The following CDH24 variants were observed in gnomAD, a reference collection of about 807,000 sequenced individuals.
CDH24 encodes cadherin-24.
Under a neutral mutation model 71.2 loss-of-function variants are expected in CDH24, and 61 were observed. The ratio of observed to expected loss-of-function variants is 0.86; its 90% CI spans 0.70 to 1.06. The LOEUF (loss-of-function observed/expected upper bound fraction) is 1.06. Among genes scored for constraint, CDH24 ranks in the 50% least tolerant of loss-of-function variants. The pLI, the probability that CDH24 is intolerant of heterozygous loss-of-function variation, is 0.00. For missense variants in CDH24, 961 were observed against 1,083.7 expected (o/e 0.89, Z 1.59); for synonymous variants, 440 against 470.2 (o/e 0.94, Z 0.83).
Position 23,055,591 on chromosome 14 carries a change from C to T in CDH24, c.143G>A (p.Trp48Ter). The change falls in exon 2 of 13, where the codon TGG becomes TAG. Residue 48 changes from tryptophan (W) to a stop codon, truncating the protein, a stop_gained. Coordinates refer to ENST00000487137, the MANE Select transcript of CDH24 (RefSeq NM_144985.4). LOFTEE classifies it high-confidence loss of function. The surrounding 1 kb of genome is among the most constrained non-coding windows in gnomAD (Gnocchi z 4.1). ...TTCCTCAATGACAAAGAACTGGTTCCAGACCCAGCTCCTTCGAGTCCGCAG... is the reference window on the plus strand; with the variant it reads ...TTCCTCAATGACAAAGAACTGGTTCTAGACCCAGCTCCTTCGAGTCCGCAG... ...ALLRTRRSWV[W>*]NQFFVIEEYA... 1 of 1,614,008 alleles carries T rather than the reference C, an allele frequency of 6.2e-7. No homozygotes were observed. The highest frequency in any genetic ancestry group is 1.7e-5 in the Admixed American group (1 of 60,032).
rs759993182 is a variant in CDH24 at position 23,055,403 on chromosome 14, G to A, written c.202-50C>T. 2 of 1,592,184 alleles carry A rather than the reference G, an allele frequency of 1.3e-6. No homozygotes were observed. The highest frequency in any genetic ancestry group is 1.7e-6 in the Non-Finnish European group (2 of 1,165,446). ...AGAGGGCTCCAAGTACAGAGACAGG[G>A]TTAAAGAGTCTAGGTTTGGGTAGAG... On this transcript the variant is annotated intron_variant, in intron 2 of 12. Coordinates refer to ENST00000487137, the MANE Select transcript of CDH24 (RefSeq NM_144985.4). The surrounding 1 kb of genome is among the most constrained non-coding windows in gnomAD (Gnocchi z 4.1).
chr14:23,055,574 T>C lies in CDH24; in HGVS notation c.160A>G (p.Ile54Val), dbSNP rs2047122424. The C allele has an allele frequency of 1.2e-6, 2 of 1,613,928 alleles. No individual in the cohort carries two copies. The highest frequency in any genetic ancestry group is 1.7e-6 in the Non-Finnish European group (2 of 1,179,996). ...RSWVWNQFFV[I>V]EEYAGPEPVL... ...GGCTCTGGACCAGCATATTCCTCAATGACAAAGAACTGGTTCCAGACCCAG... is the reference window on the plus strand; with the variant it reads ...GGCTCTGGACCAGCATATTCCTCAACGACAAAGAACTGGTTCCAGACCCAG... Residue 54 changes from isoleucine (I) to valine (V), a missense_variant, in exon 2 of 13, where the codon ATT (isoleucine) becomes GTT (valine). Ile to Val is a conservative substitution (Grantham distance 29). Transcript: ENST00000487137. The surrounding 1 kb of genome is among the most constrained non-coding windows in gnomAD (Gnocchi z 4.1).
At chr14:23,048,592 G>T in intron 11 of CDH24, 113 bp from the exon 12 acceptor site, 2 of 1,035,676 alleles carry the variant, frequency 1.9e-6, no homozygotes, top group Non-Finnish European at 2.8e-6. Context: ...CTTAGGGGCT[G>T]ACATCTAGCA....
In CDH24 at chr14:23,049,593, G is replaced by A. The variant is rs774048775; in HGVS notation, c.1597+34C>T. On this transcript the variant is annotated intron_variant, in intron 10 of 12. Transcript: ENST00000487137. ...GGAGGAGGAGGAGAAGGGGACAGAG[G>A]CAGGTATGGACATGGCTGTAGGAGG... The A allele has an allele frequency of 2.8e-5, 35 of 1,238,588 alleles. No individual in the cohort carries two copies. The African/African-American group carries it at 4.8e-4, about 17-fold the overall frequency. The allele number at this position is 1,238,588 out of a possible 1,614,324, so 76.7% of individuals were successfully genotyped here. A position where few individuals can be genotyped will look rare whatever the true frequency, so the allele number is the denominator to read the frequency against.
In CDH24 at chr14:23,055,178, G is replaced by A; in HGVS notation, c.377C>T (p.Ser126Phe). ...VLLAQAVDRA[S>F]NRPLEPPSEF... is the part of the protein sequence containing the mutation. ...TGATGGGGGCTCCAGGGGCCGGTTG[G>A]AGGCTCGGTCCACGGCTTGGGCCAG... The change falls in exon 3 of 13, where the codon TCC (serine) becomes TTC (phenylalanine). Residue 126 changes from serine to phenylalanine, a missense_variant. By Grantham distance (155) the Ser-to-Phe change is radical (BLOSUM62 -2). Coordinates refer to ENST00000487137, the MANE Select transcript of CDH24 (RefSeq NM_144985.4). The surrounding 1 kb of genome is among the most constrained non-coding windows in gnomAD (Gnocchi z 4.1). 3 of 1,614,196 alleles carry A rather than the reference G, an allele frequency of 1.9e-6. No individual in the cohort carries two copies. The highest frequency in any genetic ancestry group is 2.5e-6 in the Non-Finnish European group (3 of 1,180,024).
rs770233409 is a variant in CDH24, at chr14:23,053,050, C to T, written c.1227-441G>A. ...ACAGAGCTGTGACAGGGATGCTGGC[C>T]GGGGAGGGGGAAAGAGTGGCTGTTC... On this transcript the variant is annotated intron_variant, in intron 7 of 12. Coordinates refer to ENST00000487137, the MANE Select transcript of CDH24 (RefSeq NM_144985.4). Among the ~76,000 whole-genome samples the T allele has an allele frequency of 2.6e-5, 4 of 151,970 alleles. 1 individual carries two copies. Among genetic ancestry groups the T allele is most frequent in the African/African-American group, 7.3e-5 (3 of 41,336 alleles).
rs760379993 is a variant in CDH24 at position 23,054,109 on chromosome 14, T to TAA, written c.972+30_972+31dup. 7.1e-6 allele frequency: 11 copies of TAA among 1,559,214 alleles called. No homozygotes were observed. The highest frequency in any genetic ancestry group is 1.7e-4 in the Middle Eastern group (1 of 5,828). On this transcript the variant is annotated intron_variant, in intron 6 of 12. Coordinates refer to ENST00000487137, the MANE Select transcript of CDH24 (RefSeq NM_144985.4). This position sits in a 1 kb window ranked among gnomAD's most constrained non-coding sequence, Gnocchi z 5.2. ...CCTGTGGGTCGGCAGGAGGCAGGTC[T>TAA]AAGAGAAAGCATTAACAGGCAGGAG...
At chr14:23,056,359 C>A (rs1369712653) in intron 1 of CDH24, among the ~76,000 whole-genome samples, 1 of 152,236 alleles carries the variant, frequency 6.6e-6, no homozygotes, top group Non-Finnish European at 1.5e-5. Flanking sequence ...CTGTCTCCAG[C>A]CCACGCTGCC....
At position 23,054,108 on chromosome 14, in the gene CDH24, C is replaced by T. The variant is rs2139948619; in HGVS notation, c.972+33G>A. On this transcript the variant is annotated intron_variant, in intron 6 of 12. Coordinates refer to ENST00000487137, the MANE Select transcript of CDH24 (RefSeq NM_144985.4). The surrounding 1 kb of genome is among the most constrained non-coding windows in gnomAD (Gnocchi z 5.2). Reference sequence around the variant, plus strand: ...CCCTGTGGGTCGGCAGGAGGCAGGTCTAAGAGAAAGCATTAACAGGCAGGA... The same window carrying T: ...CCCTGTGGGTCGGCAGGAGGCAGGTTTAAGAGAAAGCATTAACAGGCAGGA... 4 of 1,557,574 alleles carry T rather than the reference C, an allele frequency of 2.6e-6. No homozygotes were observed. The East Asian group carries it at 6.8e-5, about 27-fold the overall frequency.
intron 6 of CDH24, 149 bp from the exon 7 acceptor site, chr14:23,053,898 G>T: frequency 1.1e-6 from 1 of 903,178 alleles, no homozygotes. Context: ...CAGTGGCCTT[G>T]GTGGTCAGGA....
Position 23,054,918 on chromosome 14 carries a change from GAAC to G in CDH24, c.497-55_497-53del, listed in dbSNP as rs755038594. On this transcript the variant is annotated intron_variant, in intron 3 of 12. Coordinates refer to ENST00000487137, the MANE Select transcript of CDH24 (RefSeq NM_144985.4). This position sits in a 1 kb window ranked among gnomAD's most constrained non-coding sequence, Gnocchi z 5.2. ...AGCAGCAGCAGGGAAGGATGGGGAAGAACAACCGATGGGGGGGGATGCAGATAC... is the reference window on the plus strand; with the variant it reads ...AGCAGCAGCAGGGAAGGATGGGGAAGAACCGATGGGGGGGGATGCAGATAC... The G allele has an allele frequency of 5.7e-6, 9 of 1,583,142 alleles. No homozygotes were observed. The Admixed American group carries it at 1.2e-4, about 21-fold the overall frequency.
At chr14:23,056,810 C>A (rs1193751704) in intron 1 of CDH24, among the ~76,000 whole-genome samples, 1 of 151,972 alleles carries the variant, frequency 6.6e-6, no homozygotes, top group Non-Finnish European at 1.5e-5. Context: ...GAGAGGAGAC[C>A]CTTCCCACTG....
Position 23,049,228 on chromosome 14 carries a change from G to A in CDH24, c.1645C>T (p.His549Tyr). Residue 549 changes from histidine (H) to tyrosine (Y), a missense_variant, in exon 11 of 13, where the codon CAT becomes TAT. Coordinates refer to ENST00000487137, the MANE Select transcript of CDH24 (RefSeq NM_144985.4). ...TCTATGGGAACCAAGTAGGGGGCAT[G>A]GCGGGGTGGAGCAGGGCGGGAGGGC... ...LLPSRPAPPR[H>Y]APYLVPIELW... is the part of the protein sequence containing the mutation. 6.3e-7 allele frequency: 1 copy of A among 1,575,078 alleles called. No homozygotes were observed. Among genetic ancestry groups the A allele is most frequent in the Non-Finnish European group, 8.6e-7 (1 of 1,159,588 alleles).
At position 23,049,155 on chromosome 14, in the gene CDH24, G is replaced by T; in HGVS notation, c.1718C>A (p.Thr573Asn). The change falls in exon 11 of 13, where the codon ACT becomes AAT. Residue 573 changes from threonine to asparagine, a missense_variant. Around this residue, in one of 2 missense-constraint regions of CDH24, gnomAD observed 671 missense variants for 810.9 expected, o/e 0.83. Coordinates refer to ENST00000487137, the MANE Select transcript of CDH24 (RefSeq NM_144985.4). The part of the protein sequence containing the change: ...QPALSSTATV[T>N]VSVCRCQPDG... ...AGGCTGGCAGCGGCACACACTAACA[G>T]TCACTGTGGCAGTGCTGCTCAGCGC... 1 of 1,594,234 alleles carries T rather than the reference G, an allele frequency of 6.3e-7. No individual in the cohort carries two copies. Among genetic ancestry groups the T allele is most frequent in the South Asian group, 1.1e-5 (1 of 88,812 alleles).
At chr14:23,049,578 G>T in intron 10 of CDH24, 49 bp downstream of exon 10, 1 of 1,123,800 alleles carries the variant, frequency 8.9e-7, no homozygotes, top group Non-Finnish European at 1.3e-6. Context: ...GGAGGAGGAG[G>T]AGAAGGGGAC....
rs770291204 is a variant in CDH24 at position 23,054,674 on chromosome 14, C to G, written c.617-1G>C. The G allele has an allele frequency of 9.9e-6, 16 of 1,613,986 alleles. No individual in the cohort carries two copies. The highest frequency in any genetic ancestry group is 6.8e-6 in the Non-Finnish European group (8 of 1,179,918). ...TTGGGGATGGCTGTACGCACCACTC[C>G]TAGGGAGAGATGCTGGTCAGAGGGT... is the stretch of plus-strand genomic sequence containing the variant. On this transcript the variant is annotated splice_acceptor_variant, in intron 4 of 12. Coordinates refer to ENST00000487137, the MANE Select transcript of CDH24 (RefSeq NM_144985.4). LOFTEE classifies it high-confidence loss of function. This position sits in a 1 kb window ranked among gnomAD's most constrained non-coding sequence, Gnocchi z 5.2.
rs1053582724 is a variant in CDH24 at position 23,057,389 on chromosome 14, G to A, written c.-125+14C>T. 4.6e-5 allele frequency: 7 copies of A among 152,076 alleles called. No individual in the cohort carries two copies. The highest frequency in any genetic ancestry group is 7.2e-5 in the African/African-American group (3 of 41,422). 9.4% of individuals were successfully genotyped at this position (152,076 alleles called of 1,614,324 possible). ...GCGGATTCCCGACCCCTGCTCCGGGGCAGGCGCCCTTACCTGGCACTGCCG... is the reference window on the plus strand; with the variant it reads ...GCGGATTCCCGACCCCTGCTCCGGGACAGGCGCCCTTACCTGGCACTGCCG... On this transcript the variant is annotated intron_variant, in intron 1 of 12. Transcript: ENST00000487137. This position sits in a 1 kb window ranked among gnomAD's most constrained non-coding sequence, Gnocchi z 5.4.
chr14:23,050,493 CCACACACACACACACA>C lies in CDH24; in HGVS notation c.1364-566_1364-551del, dbSNP rs10553168. On this transcript the variant is annotated intron_variant, in intron 8 of 12. Coordinates refer to ENST00000487137, the MANE Select transcript of CDH24 (RefSeq NM_144985.4). The stretch of plus-strand genomic sequence containing the variant: ...TGGGGTGGACAGACACATATACACA[CCACACACACACACACA>C]CACACACACACACACACACACACAT... Among the ~76,000 whole-genome samples the C allele has an allele frequency of 5.5e-5, 8 of 144,784 alleles. No individual in the cohort carries two copies. In the South Asian group the frequency reaches 6.7e-4, roughly 12 times the overall value. The allele number at this position is 144,784 out of a possible 152,430, so 95.0% of individuals were successfully genotyped here.
rs768824233 is a variant in CDH24 at position 23,053,445 on chromosome 14, G to A, written c.1226+51C>T. 5 of 1,507,332 alleles carry A rather than the reference G, an allele frequency of 3.3e-6. No homozygotes were observed. The Admixed American group carries it at 1.1e-4, about 32-fold the overall frequency. The allele number at this position is 1,507,332 out of a possible 1,614,324, so 93.4% of individuals were successfully genotyped here. On this transcript the variant is annotated intron_variant, in intron 7 of 12. Coordinates refer to ENST00000487137, the MANE Select transcript of CDH24 (RefSeq NM_144985.4). ...GGGGGCACATTTACTCATTCTCTGG[G>A]TGGGAAGAGCCTGCCATCTGGCTCC...
Sources: gnomAD v4.1 joint callset for allele counts (sites outside exome capture counted in the v4.1 genomes callset) on GRCh38, gnomAD v4.1.1 for gene constraint, gnomAD v4.1.1 regional missense constraint, Gnocchi (gnomAD v3.1) non-coding constraint, MANE v1.5 for transcripts, NCBI Gene and HGNC (gene_info 2026-07-23, HGNC 2026-07-21) for gene names.